The following MAP4K3 variants were observed in gnomAD, a reference collection of about 807,000 sequenced individuals.
The protein encoded by MAP4K3 is MAPK/ERK kinase kinase kinase 3.
In MAP4K3, 94 loss-of-function variants were observed where a neutral mutation model predicts 143.5. The ratio of observed to expected loss-of-function variants is 0.65; its 90% CI spans 0.55 to 0.78. The LOEUF is 0.78. Among genes scored for constraint, MAP4K3 ranks in the 30% least tolerant of loss-of-function variants. MAP4K3 has a pLI of 0.00. For synonymous variants in MAP4K3, 416 were observed against 347.2 expected (o/e 1.20, Z -2.20); for missense variants, 1,077 against 1,068.1 (o/e 1.01, Z -0.12).
intron 16 of MAP4K3, among the ~76,000 whole-genome samples, chr2:39,296,619 C>T (rs900718166): frequency 3.3e-5 from 5 of 152,184 alleles, no homozygotes; most frequent in Non-Finnish European, 7.3e-5. Context: ...ATCAGTGCTG[C>T]GGTTATTAAC....
intron 3 of MAP4K3, among the ~76,000 whole-genome samples, chr2:39,353,500 G>GA (rs1420155787): frequency 6.6e-6 from 1 of 151,996 alleles, no homozygotes; most frequent in Admixed American, 6.6e-5. Context: ...TAGTTTTACT[G>GA]AAAAAAATGA....
Position 39,292,728 on chromosome 2 carries a change from C to A in MAP4K3, c.1271+45G>T. 3.3e-6 allele frequency: 5 copies of A among 1,507,978 alleles called. No individual in the cohort carries two copies. The South Asian group carries it at 5.6e-5, about 17-fold the overall frequency. The allele number at this position is 1,507,978 out of a possible 1,614,324, so 93.4% of individuals were successfully genotyped here. A position where few individuals can be genotyped will look rare whatever the true frequency, so the allele number is the denominator to read the frequency against. On this transcript the variant is annotated intron_variant, in intron 18 of 33. Transcript: ENST00000263881. ...AGCTGCCAGATTGATGAAATCAGGT[C>A]AAATGACACCTTTTCTTTTTACCAA...
chr2:39,354,367 C>T (rs575959305), intron 3 of MAP4K3, among the ~76,000 whole-genome samples: 4 of 152,220 alleles, frequency 2.6e-5, no homozygotes, highest in South Asian at 4.1e-4. Flanking sequence ...GGCTTGAACC[C>T]GGGAGGTGGA....
intron 1 of MAP4K3, among the ~76,000 whole-genome samples, chr2:39,411,293 GT>G (rs1667226159): frequency 1.3e-5 from 2 of 152,162 alleles, no homozygotes; most frequent in Admixed American, 1.3e-4. Context: ...GAAGGCAGAT[GT>G]TTTCCCTACA....
At chr2:39,420,234 A>T (rs1288606779) in intron 1 of MAP4K3, among the ~76,000 whole-genome samples, 1 of 152,250 alleles carries the variant, frequency 6.6e-6, no homozygotes, top group East Asian at 1.9e-4. Flanking sequence ...TTACTCCATT[A>T]TTCTTAACTT....
chr2:39,354,128 G>A (rs979400884), intron 3 of MAP4K3, among the ~76,000 whole-genome samples: 5 of 152,070 alleles, frequency 3.3e-5, no homozygotes, highest in South Asian at 2.1e-4. Flanking sequence ...GGCTAACATG[G>A]TGAAACACCG....
intron 2 of MAP4K3, among the ~76,000 whole-genome samples, chr2:39,375,234 G>T (rs368376804): frequency 6.6e-4 from 100 of 152,144 alleles, no homozygotes; most frequent in African/African-American, 2.2e-3. Flanking sequence ...ACTCCAGCCT[G>T]GGCTACAGTG....
chr2:39,272,405 A>G lies in MAP4K3; in HGVS notation c.1856-5T>C, dbSNP rs1424585997. On this transcript the variant is annotated splice_polypyrimidine_tract_variant and splice_region_variant and intron_variant, in intron 25 of 33. Coordinates refer to ENST00000263881, the MANE Select transcript of MAP4K3 (RefSeq NM_003618.4). ...AATAAAGCTGAGAAGCTTTACCTAT[A>G]AAGAAAAACAGATATGACATAAAAG... 1.9e-6 allele frequency: 3 copies of G among 1,608,502 alleles called. No homozygotes were observed. In the African/African-American group the frequency reaches 4.0e-5, roughly 22 times the overall value.
intron 15 of MAP4K3, among the ~76,000 whole-genome samples, chr2:39,304,147 GA>G (rs1215970801): frequency 5.1e-4 from 43 of 84,136 alleles, no homozygotes; most frequent in Admixed American, 1.5e-3. Context: ...TTAATTATCT[GA>G]TTTTTTTTTT....
chr2:39,311,833 TAG>T (rs1053660199), intron 13 of MAP4K3, among the ~76,000 whole-genome samples: 27 of 152,182 alleles, frequency 1.8e-4, no homozygotes, highest in African/African-American at 6.3e-4. Flanking sequence ...CAAAATCTGT[TAG>T]AGACAATAAA....
intron 1 of MAP4K3, among the ~76,000 whole-genome samples, chr2:39,390,765 T>C (rs1425518369): frequency 5.3e-5 from 1 of 18,938 alleles, no homozygotes; most frequent in Admixed American, 1.2e-3. Flanking sequence ...GTGCTTTACA[T>C]AAAAATTAAA....
rs570504506 is a variant in MAP4K3, at chr2:39,422,629, C to T, written c.96+14263G>A. 4.6e-5 allele frequency among the ~76,000 whole-genome samples: 7 copies of T among 152,298 alleles called. No individual in the cohort carries two copies. The South Asian group carries it at 1.5e-3, about 32-fold the overall frequency. ...ACCCACACAAATATATTCAACTAAT[C>T]TTTCACAAAGAAGCAAAGGTGATCC... On this transcript the variant is annotated intron_variant, in intron 1 of 33. Coordinates refer to ENST00000263881, the MANE Select transcript of MAP4K3 (RefSeq NM_003618.4).
intron 22 of MAP4K3, among the ~76,000 whole-genome samples, chr2:39,282,249 G>A (rs770682165): frequency 3.3e-5 from 5 of 151,478 alleles, no homozygotes; most frequent in Non-Finnish European, 7.4e-5. Flanking sequence ...TATAATCACA[G>A]CACTTTGGGA....
At chr2:39,378,033 G>GAAAAAATT (rs759579966) in intron 2 of MAP4K3, 33 bp downstream of exon 2, 31 of 1,242,130 alleles carry the variant, frequency 2.5e-5, no homozygotes, top group East Asian at 2.3e-4. Flanking sequence ...TGGCTTTCTA[G>GAAAAAATT]CAGTAAGAAA....
At chr2:39,433,378 G>A (rs190650619) in intron 1 of MAP4K3, among the ~76,000 whole-genome samples, 217 of 152,198 alleles carry the variant, frequency 1.4e-3, no homozygotes, top group Non-Finnish European at 2.8e-3. Context: ...ACTATCTCCT[G>A]CTTCTTTCTA....
In MAP4K3 at chr2:39,341,156, A is replaced by G. The variant is rs571536539; in HGVS notation, c.310+2232T>C. On this transcript the variant is annotated intron_variant, in intron 4 of 33. Transcript: ENST00000263881. ...AGAAAAAGACAAAAAGCAATTAGAG[A>G]TAAGAACAGATTACCTGCAAAGGAT... 6.4e-4 allele frequency among the ~76,000 whole-genome samples: 98 copies of G among 152,312 alleles called. 2 individuals are homozygous for G. The highest frequency in any genetic ancestry group is 5.2e-3 in the Admixed American group (80 of 15,298).
At chr2:39,338,465 T>C (rs1443109876) in intron 4 of MAP4K3, among the ~76,000 whole-genome samples, 1 of 152,172 alleles carries the variant, frequency 6.6e-6, no homozygotes, top group Non-Finnish European at 1.5e-5. Flanking sequence ...CAGTAAGCAA[T>C]ACCAATAGTT....
intron 1 of MAP4K3, among the ~76,000 whole-genome samples, chr2:39,389,938 T>C (rs570347758): frequency 2.0e-5 from 3 of 152,062 alleles, no homozygotes; most frequent in East Asian, 1.9e-4. Flanking sequence ...CAAAATACCA[T>C]GGAAATAGGA....
chr2:39,407,519 A>C (rs887156263), intron 1 of MAP4K3, among the ~76,000 whole-genome samples: 1 of 152,168 alleles, frequency 6.6e-6, no homozygotes, highest in South Asian at 2.1e-4. Context: ...ATCATTCAGG[A>C]GAAAGGTTAT....
Sources: allele counts gnomAD v4.1 joint callset (sites outside exome capture counted in the v4.1 genomes callset), GRCh38; gene constraint gnomAD v4.1.1; transcripts MANE v1.5; gene names NCBI Gene and HGNC (gene_info 2026-07-23, HGNC 2026-07-21).